The following RPSA2 variants were observed in gnomAD, a reference collection of about 807,000 sequenced individuals.
RPSA2 encodes the protein ribosomal protein SA 2, also known as small ribosomal subunit protein uS2B.
At chr19:23,786,338 G>A in the RPSA2 span, among the ~76,000 whole-genome samples, 1 of 152,190 alleles carries the variant, frequency 6.6e-6, no homozygotes, top group Admixed American at 6.5e-5. Flanking sequence ...TATCACATAT[G>A]CCTATGTTCA....
chr19:23,798,468 T>C, the RPSA2 span, among the ~76,000 whole-genome samples: 1 of 152,164 alleles, frequency 6.6e-6, no homozygotes, highest in Non-Finnish European at 1.5e-5. Flanking sequence ...TTCATATACA[T>C]TTAATAGTAT....
At chr19:23,759,057 C>CG in the RPSA2 span, among the ~76,000 whole-genome samples, 1 of 152,158 alleles carries the variant, frequency 6.6e-6, no homozygotes, top group African/African-American at 2.4e-5. Context: ...AGACTAACAA[C>CG]GTAAGTTGCA....
the RPSA2 span, among the ~76,000 whole-genome samples, chr19:23,836,531 C>T: frequency 6.6e-6 from 1 of 152,108 alleles, no homozygotes; most frequent in Non-Finnish European, 1.5e-5. Context: ...TGGGTAGATA[C>T]CCAGTAGTGG....
At chr19:23,761,926 T>TCC in the RPSA2 span, among the ~76,000 whole-genome samples, 880 of 124,666 alleles carry the variant, frequency 7.1e-3, 45 homozygotes, top group Admixed American at 9.2e-3. Flanking sequence ...CTTTCTTTTT[T>TCC]TTTTTTTTTG....
At chr19:23,802,390 C>T in the RPSA2 span, among the ~76,000 whole-genome samples, 2 of 152,164 alleles carry the variant, frequency 1.3e-5, no homozygotes. Context: ...AGGATAGTTT[C>T]ATTTTCTTTT....
the RPSA2 span, chr19:23,832,955 G>A: frequency 6.8e-7 from 1 of 1,477,522 alleles, no homozygotes; most frequent in Middle Eastern, 1.9e-4. Flanking sequence ...GTAATTCACA[G>A]TGGAGTAAAA....
At chr19:23,790,857 TC>T in the RPSA2 span, 1 of 518,504 alleles carries the variant, frequency 1.9e-6, no homozygotes, top group Non-Finnish European at 3.5e-6. Context: ...GACTCAGGCC[TC>T]CCCGCAGTCA....
the RPSA2 span, among the ~76,000 whole-genome samples, chr19:23,761,046 ATATGTG>A: frequency 1.2e-4 from 1 of 8,354 alleles, no homozygotes; most frequent in Admixed American, 2.4e-3. Flanking sequence ...TATAGGGTAT[ATATGTG>A]TATATATATA....
At chr19:23,791,456 C>G in the RPSA2 span, among the ~76,000 whole-genome samples, 148,990 of 152,312 alleles carry the variant, frequency 0.98, 72,962 homozygotes, top group Middle Eastern at 1. Context: ...TTTAGAAGTA[C>G]AAATCCGGGG....
chr19:23,836,771 G>T, the RPSA2 span, among the ~76,000 whole-genome samples: 1 of 152,088 alleles, frequency 6.6e-6, no homozygotes, highest in South Asian at 2.1e-4. Flanking sequence ...CATTAGTGAT[G>T]TTGAGCATTT....
At chr19:23,830,380 G>A in the RPSA2 span, among the ~76,000 whole-genome samples, 6 of 152,248 alleles carry the variant, frequency 3.9e-5, no homozygotes, top group African/African-American at 1.2e-4. Context: ...CCTGACCTCA[G>A]GTGATCCGTC....
At chr19:23,791,517 C>T in the RPSA2 span, among the ~76,000 whole-genome samples, 7 of 152,244 alleles carry the variant, frequency 4.6e-5, no homozygotes, top group East Asian at 1.9e-4. Flanking sequence ...TTTCACACTC[C>T]AATGGTGACG....
At chr19:23,836,446 T>C in the RPSA2 span, among the ~76,000 whole-genome samples, 1 of 152,308 alleles carries the variant, frequency 6.6e-6, no homozygotes, top group East Asian at 1.9e-4. Flanking sequence ...GGTTCCAGAA[T>C]TTTGCAATTG....
chr19:23,831,121 C>G, the RPSA2 span, among the ~76,000 whole-genome samples: 1 of 151,058 alleles, frequency 6.6e-6, no homozygotes, highest in African/African-American at 2.4e-5. Flanking sequence ...TTTTTTTGGT[C>G]TCAGCTGACT....
chr19:23,862,783 G>A, the RPSA2 span, among the ~76,000 whole-genome samples: 2 of 151,074 alleles, frequency 1.3e-5, no homozygotes, highest in Non-Finnish European at 2.9e-5. Context: ...CAGTCCTGGG[G>A]ACAAACTTAA....
At chr19:23,816,864 A>G in the RPSA2 span, among the ~76,000 whole-genome samples, 1 of 152,178 alleles carries the variant, frequency 6.6e-6, no homozygotes, top group African/African-American at 2.4e-5. Context: ...TCATGAGACT[A>G]GTACAGAAGA....
chr19:23,788,913 T>G, the RPSA2 span, among the ~76,000 whole-genome samples: 1 of 151,954 alleles, frequency 6.6e-6, no homozygotes, highest in Admixed American at 6.6e-5. Flanking sequence ...GGTGTGTGTC[T>G]CACCTCTCAG....
the RPSA2 span, among the ~76,000 whole-genome samples, chr19:23,793,279 A>G: frequency 6.6e-6 from 1 of 150,400 alleles, no homozygotes; most frequent in African/African-American, 2.5e-5. Flanking sequence ...TTTATTGATC[A>G]CAGCTGTTTC....
the RPSA2 span, among the ~76,000 whole-genome samples, chr19:23,868,703 G>C: frequency 6.6e-6 from 1 of 152,208 alleles, no homozygotes; most frequent in East Asian, 1.9e-4. Flanking sequence ...ACAATGGAAA[G>C]GTATGGTGGA....
Sources: gnomAD v4.1 joint callset for allele counts (sites outside exome capture counted in the v4.1 genomes callset) on GRCh38, gnomAD v4.1.1 for gene constraint, MANE v1.5 for transcripts, NCBI Gene and HGNC (gene_info 2026-07-23, HGNC 2026-07-21) for gene names.